Variants in SETD3 observed in about 807,000 individuals in gnomAD.
SETD3 encodes SET domain containing 3, actin N3(tau)-histidine methyltransferase, also known as actin-histidine N-methyltransferase.
In SETD3, 19 loss-of-function variants were observed where a neutral mutation model predicts 63.0. That is an observed-to-expected ratio of 0.30 (90% CI 0.21 to 0.44). SETD3 has a LOEUF of 0.44. Ranked by LOEUF, SETD3 falls within the 20% of genes least tolerant of loss-of-function variation. The pLI, the probability that SETD3 is intolerant of heterozygous loss-of-function variation, is 1.00. For synonymous variants in SETD3, 286 were observed against 264.1 expected (o/e 1.08, Z -0.80); for missense variants, 587 against 728.5 (o/e 0.81, Z 2.24).
intron 11 of SETD3, among the ~76,000 whole-genome samples, chr14:99,402,729 A>G (rs1891451585): frequency 2.0e-5 from 3 of 152,200 alleles, no homozygotes; most frequent in South Asian, 2.1e-4. Context: ...GGCACGTGCT[A>G]CCACGCCCAG....
At position 99,399,087 on chromosome 14, in the gene SETD3, A is replaced by T. The variant is rs1891238023; in HGVS notation, c.1377T>A (p.Val459=). Residue 459 remains valine (V), a synonymous_variant, in exon 13 of 13, where the codon GTT becomes GTA. Transcript: ENST00000331768. ...KSVLKNHDLS[V]RAKMAIKLRL... is the part of the protein sequence containing the mutation. ...GCAATTTGATGGCCATTTTTGCACG[A>T]ACAGAAAGATCGTGGTTTTTCAAGA... is the stretch of plus-strand genomic sequence containing the variant. 3.1e-6 allele frequency: 5 copies of T among 1,614,156 alleles called. No individual in the cohort carries two copies. Among genetic ancestry groups the T allele is most frequent in the Non-Finnish European group, 4.2e-6 (5 of 1,180,010 alleles).
upstream of SETD3, chr14:99,481,326 A>G: frequency 2.5e-6 from 1 of 397,090 alleles, no homozygotes; most frequent in Non-Finnish European, 4.4e-6. Context: ...CTTTCTTCCC[A>G]TTGGTTGACA....
intron 12 of SETD3, 77 bp downstream of exon 12, chr14:99,400,022 T>G: frequency 4.5e-5 from 61 of 1,362,054 alleles, no homozygotes; most frequent in Non-Finnish European, 5.7e-5. Context: ...ATTACAGGCG[T>G]GAGCCACCGC....
Position 99,441,046 on chromosome 14 carries a change from C to T in SETD3, c.675+17233G>A, listed in dbSNP as rs559701423. On this transcript the variant is annotated intron_variant, in intron 6 of 12. Coordinates refer to ENST00000331768, the MANE Select transcript of SETD3 (RefSeq NM_032233.3). ...GCTGTCACACCCTCGACAATCCTCA[C>T]CTAAGCTGCTGTAGACTCCTCTCAG... Among the ~76,000 whole-genome samples the T allele has an allele frequency of 3.8e-3, 584 of 152,308 alleles. 3 individuals carry two copies. Among genetic ancestry groups the T allele is most frequent in the African/African-American group, 0.013 (550 of 41,564 alleles).
chr14:99,476,987 C>T (rs964316219), intron 1 of SETD3, among the ~76,000 whole-genome samples: 7 of 152,088 alleles, frequency 4.6e-5, no homozygotes, highest in Non-Finnish European at 7.4e-5. Context: ...ACATTTCTTC[C>T]TGCTCTGTCC....
chr14:99,460,930 A>T (rs1895030319), intron 4 of SETD3, among the ~76,000 whole-genome samples: 2 of 152,202 alleles, frequency 1.3e-5, no homozygotes, highest in African/African-American at 2.4e-5. Flanking sequence ...CCTGTGAGGC[A>T]TGTTCTATGG....
chr14:99,480,110 T>A (rs145747242), intron 1 of SETD3, among the ~76,000 whole-genome samples: 10 of 152,340 alleles, frequency 6.6e-5, no homozygotes, highest in Non-Finnish European at 1.3e-4. Context: ...AAAGACGACC[T>A]ATTTCCTACG....
At chr14:99,476,016 A>G (rs1895954401) in intron 1 of SETD3, among the ~76,000 whole-genome samples, 2 of 152,230 alleles carry the variant, frequency 1.3e-5, no homozygotes, top group African/African-American at 4.8e-5. Flanking sequence ...CCTGTGTCCT[A>G]TGGAAGTTCT....
At chr14:99,431,516 A>T (rs1458362820) in intron 6 of SETD3, among the ~76,000 whole-genome samples, 7 of 151,358 alleles carry the variant, frequency 4.6e-5, no homozygotes. Context: ...TCTGAGACAG[A>T]GTTTTGCTCT....
intron 7 of SETD3, 111 bp from the exon 8 acceptor site, chr14:99,413,176 T>C (rs1290382277): frequency 7.9e-6 from 5 of 632,284 alleles, no homozygotes; most frequent in Middle Eastern, 2.6e-4. Context: ...TACAAAGTCT[T>C]TTCCTAAGTA....
At chr14:99,408,471 G>C (rs1891802632) in intron 8 of SETD3, among the ~76,000 whole-genome samples, 1 of 152,182 alleles carries the variant, frequency 6.6e-6, no homozygotes, top group African/African-American at 2.4e-5. Context: ...CCAGGAGGGA[G>C]TCCAGGCACT....
chr14:99,398,621 G>A lies in SETD3; in HGVS notation c.*58C>T. On this transcript the variant is annotated 3_prime_UTR_variant, in exon 13 of 13. Transcript: ENST00000331768. Reference sequence around the variant, plus strand: ...TGTTAACAAGGAAACACAGCGATGTGAACGGACTGTCCGTCAACTCCTGCT... The same window carrying A: ...TGTTAACAAGGAAACACAGCGATGTAAACGGACTGTCCGTCAACTCCTGCT... 1 of 1,472,314 alleles carries A rather than the reference G, an allele frequency of 6.8e-7. No individual in the cohort carries two copies. Among genetic ancestry groups the A allele is most frequent in the South Asian group, 1.2e-5 (1 of 83,850 alleles). The allele number at this position is 1,472,314 out of a possible 1,614,324, so 91.2% of individuals were successfully genotyped here.
At chr14:99,470,167 C>T (rs964067270) in intron 1 of SETD3, among the ~76,000 whole-genome samples, 1 of 152,188 alleles carries the variant, frequency 6.6e-6, no homozygotes, top group Non-Finnish European at 1.5e-5. Flanking sequence ...TGCCTGTCCC[C>T]TTGTCTTCTC....
intron 6 of SETD3, among the ~76,000 whole-genome samples, chr14:99,419,179 A>G (rs902758591): frequency 1.3e-5 from 2 of 152,246 alleles, no homozygotes; most frequent in Non-Finnish European, 2.9e-5. Flanking sequence ...TTTTCATCAT[A>G]AAGTTCTTTG....
chr14:99,445,220 ACCT>A (rs1894067542), intron 6 of SETD3, among the ~76,000 whole-genome samples: 1 of 152,206 alleles, frequency 6.6e-6, no homozygotes, highest in South Asian at 2.1e-4. Context: ...CATCAATGGT[ACCT>A]TATAAACTAA....
At chr14:99,418,676 T>C (rs1054982341) in intron 6 of SETD3, among the ~76,000 whole-genome samples, 1 of 152,142 alleles carries the variant, frequency 6.6e-6, no homozygotes, top group African/African-American at 2.4e-5. Flanking sequence ...GACAGCTCCA[T>C]CGGCCCATCC....
intron 1 of SETD3, among the ~76,000 whole-genome samples, chr14:99,478,092 G>A (rs1290271502): frequency 6.6e-6 from 1 of 152,052 alleles, no homozygotes; most frequent in Non-Finnish European, 1.5e-5. Flanking sequence ...GAGAAAAGAT[G>A]CACGGCTAAT....
upstream of SETD3, among the ~76,000 whole-genome samples, chr14:99,481,946 A>G (rs1896342747): frequency 6.6e-6 from 1 of 152,204 alleles, no homozygotes; most frequent in African/African-American, 2.4e-5. Flanking sequence ...CCACGTAACG[A>G]GGGTGCGGCT....
intron 3 of SETD3, among the ~76,000 whole-genome samples, chr14:99,462,236 CA>C (rs1265290117): frequency 2.6e-5 from 4 of 152,150 alleles, no homozygotes; most frequent in Non-Finnish European, 5.9e-5. Flanking sequence ...GATTCTTGGA[CA>C]TCTGTTATAT....
Sources: gnomAD v4.1 joint callset for allele counts (sites outside exome capture counted in the v4.1 genomes callset) on GRCh38, gnomAD v4.1.1 for gene constraint, MANE v1.5 for transcripts, NCBI Gene and HGNC (gene_info 2026-07-23, HGNC 2026-07-21) for gene names.